The following PRKAG3 variants were observed in gnomAD, a reference collection of about 807,000 sequenced individuals.
PRKAG3 encodes the protein protein kinase AMP-activated non-catalytic subunit gamma 3.
In PRKAG3, 39 loss-of-function variants were observed where a neutral mutation model predicts 56.5. The observed-to-expected ratio is 0.69, with a 90% CI of 0.53 to 0.90. PRKAG3 has a LOEUF of 0.90. Ranked by LOEUF, PRKAG3 falls within the 40% of genes least tolerant of loss-of-function variation. The pLI is 0.00. For synonymous variants in PRKAG3, 243 were observed against 250.1 expected, an observed-to-expected ratio of 0.97 and a Z score of 0.27; for missense variants, 628 against 627.5, an observed-to-expected ratio of 1.00 and a Z score of -0.01.
In PRKAG3 at chr2:218,827,039, T is replaced by C; in HGVS notation, c.1057A>G (p.Ile353Val). The change falls in exon 10 of 13, where the codon ATC becomes GTC. Residue 353 changes from isoleucine to valine, a missense_variant. Physicochemically the swap from Ile to Val is conservative, Grantham distance 29 (BLOSUM62 3). Transcript: ENST00000529249. The surrounding 1 kb of genome is among the most constrained non-coding windows in gnomAD (Gnocchi z 5.3). ...ACAGCCAAGTCTCGGAATGTGCCGA[T>C]GCCCAAATCTTGGATAGTGCGGTAG... The C allele has an allele frequency of 2.5e-6, 4 of 1,614,038 alleles. No homozygotes were observed. The highest frequency in any genetic ancestry group is 3.4e-6 in the Non-Finnish European group (4 of 1,180,046).
chr2:218,824,647 G>C, intron 10 of PRKAG3, 71 bp from the exon 11 acceptor site: 1 of 1,386,206 alleles, frequency 7.2e-7, no homozygotes, highest in Non-Finnish European at 1.0e-6. Flanking sequence ...CCGGGGTGCT[G>C]TGTAGAGGGC....
Position 218,829,625 on chromosome 2 carries a change from C to A in PRKAG3, c.633+353G>T, listed in dbSNP as rs1943988637. On this transcript the variant is annotated intron_variant, in intron 4 of 12. Transcript: ENST00000529249. The stretch of plus-strand genomic sequence containing the variant: ...ACAGACATGAGCCACCGTGCCCGGC[C>A]TCTGCAATGTCTTACACATACTTTG... Among the ~76,000 whole-genome samples, 3 of 152,232 alleles carry A rather than the reference C, an allele frequency of 2.0e-5. No individual in the cohort carries two copies. The Middle Eastern group carries it at 0.01, about 518-fold the overall frequency.
rs778556386 is a variant in PRKAG3, at chr2:218,827,894, G to A, written c.775-16C>T. The stretch of plus-strand genomic sequence containing the variant: ...AGATCTGGACCTAGAGACATCGACA[G>A]GACTCCAGAAGTCAGAAAGACGTGG... On this transcript the variant is annotated splice_polypyrimidine_tract_variant and intron_variant, in intron 6 of 12. Coordinates refer to ENST00000529249, the Ensembl canonical transcript of PRKAG3. This position sits in a 1 kb window ranked among gnomAD's most constrained non-coding sequence, Gnocchi z 5.3. The A allele has an allele frequency of 1.2e-6, 2 of 1,613,980 alleles. No individual in the cohort carries two copies. Among genetic ancestry groups the A allele is most frequent in the Non-Finnish European group, 1.7e-6 (2 of 1,179,954 alleles).
intron 1 of PRKAG3, 73 bp downstream of exon 1, chr2:218,831,665 C>G: frequency 6.4e-7 from 1 of 1,553,754 alleles, no homozygotes; most frequent in Non-Finnish European, 8.8e-7. Flanking sequence ...CGCCCACACA[C>G]ACATTCACAG....
chr2:218,827,550 C>T lies in PRKAG3; in HGVS notation c.875+25G>A, dbSNP rs375658953. On this transcript the variant is annotated intron_variant, in intron 8 of 12. Transcript: ENST00000529249. The surrounding 1 kb of genome is among the most constrained non-coding windows in gnomAD (Gnocchi z 5.3). ...AAGGGGACTGTGGGAGGAGGAGGCTCAGGTGAATGAGCAGAGACACCCACC... is the reference window on the plus strand; with the variant it reads ...AAGGGGACTGTGGGAGGAGGAGGCTTAGGTGAATGAGCAGAGACACCCACC... 6 of 1,611,312 alleles carry T rather than the reference C, an allele frequency of 3.7e-6. No homozygotes were observed. In the East Asian group the frequency reaches 8.9e-5, roughly 24 times the overall value.
chr2:218,829,007 A>G (rs1943979203), intron 4 of PRKAG3, among the ~76,000 whole-genome samples: 1 of 152,184 alleles, frequency 6.6e-6, no homozygotes, highest in African/African-American at 2.4e-5. Flanking sequence ...TTGTAGATAA[A>G]TTTTATATTG....
At chr2:218,828,748 C>A in intron 4 of PRKAG3, 148 bp from the exon 5 acceptor site, 1 of 616,636 alleles carries the variant, frequency 1.6e-6, no homozygotes, top group Non-Finnish European at 2.8e-6. Context: ...GGACCCTCCT[C>A]TACACCAGCT....
exon 13 of PRKAG3, chr2:218,823,765 G>T: frequency 6.2e-7 from 1 of 1,614,002 alleles, no homozygotes; most frequent in Non-Finnish European, 8.5e-7. Context: ...GATCTTCTCA[G>T]GCCCCGAGGG....
rs1272818509 is a variant in PRKAG3, at chr2:218,827,272, C to T, written c.977G>A (p.Arg326His). 16 of 1,614,026 alleles carry T rather than the reference C, an allele frequency of 9.9e-6. No individual in the cohort carries two copies. Among genetic ancestry groups the T allele is most frequent in the Non-Finnish European group, 1.2e-5 (14 of 1,180,034 alleles). Residue 326 changes from arginine (R) to histidine (H), a missense_variant, in exon 9 of 13, where the codon CGC becomes CAC. Transcript: ENST00000529249. This position sits in a 1 kb window ranked among gnomAD's most constrained non-coding sequence, Gnocchi z 5.3. ...AAAGATGTGCAGGAACTTGAGCAGG[C>T]GTTTGTGTGTGAGGATGTGGAGTAC...
At chr2:218,826,034 C>T (rs890528447) in intron 10 of PRKAG3, among the ~76,000 whole-genome samples, 2 of 152,174 alleles carry the variant, frequency 1.3e-5, no homozygotes, top group Non-Finnish European at 2.9e-5. Context: ...GCTGGGATTA[C>T]AGGCATGAGC....
chr2:218,831,369 A>T, exon 2 of PRKAG3: 1 of 1,603,054 alleles, frequency 6.2e-7, no homozygotes. Flanking sequence ...CTGCTCCAGG[A>T]AGGGGTCTGT....
rs193270891 is a variant in PRKAG3 at position 218,826,322 on chromosome 2, T to A, written c.1168+606A>T. On this transcript the variant is annotated intron_variant, in intron 10 of 12. Transcript: ENST00000529249. ...ATCTTAATTATGGTGATTTTAGCTT[T>A]GAAATATTTCATAGCCATCATTCAA... Among the ~76,000 whole-genome samples the A allele has an allele frequency of 1.1e-4, 17 of 152,374 alleles. No individual in the cohort carries two copies. The East Asian group carries it at 3.3e-3, about 29-fold the overall frequency.
At position 218,831,187 on chromosome 2, in the gene PRKAG3, A is replaced by G; in HGVS notation, c.73+149T>C. On this transcript the variant is annotated intron_variant, in intron 2 of 12. Coordinates refer to ENST00000529249, the Ensembl canonical transcript of PRKAG3. Reference sequence around the variant, plus strand: ...AGGAAATTGGAGGTGAGGGAAACACACCTGGGGAAAGGAGGAAGAACAATG... The same window carrying G: ...AGGAAATTGGAGGTGAGGGAAACACGCCTGGGGAAAGGAGGAAGAACAATG... 2.8e-6 allele frequency: 2 copies of G among 718,380 alleles called. 1 individual carries two copies. Among genetic ancestry groups the G allele is most frequent in the South Asian group, 3.9e-5 (2 of 51,744 alleles). The allele number at this position is 718,380 out of a possible 1,614,324, so 44.5% of individuals were successfully genotyped here. A position where few individuals can be genotyped will look rare whatever the true frequency, so the allele number is the denominator to read the frequency against.
At chr2:218,829,843 A>C in intron 4 of PRKAG3, 135 bp downstream of exon 4, 1 of 1,045,720 alleles carries the variant, frequency 9.6e-7, no homozygotes, top group Non-Finnish European at 1.4e-6. Context: ...TGGCCTCCAT[A>C]GTGCTAAGAA....
exon 4 of PRKAG3, chr2:218,830,052 A>C: frequency 6.2e-7 from 1 of 1,614,048 alleles, no homozygotes; most frequent in South Asian, 1.1e-5. Context: ...TCCTGCATGA[A>C]GCGCATGTAG....
chr2:218,824,285 T>G, exon 12 of PRKAG3: 1 of 1,614,102 alleles, frequency 6.2e-7, no homozygotes, highest in Non-Finnish European at 8.5e-7. Flanking sequence ...AGGAAAGGAC[T>G]CCCTCCAGAC....
intron 3 of PRKAG3, 87 bp from the exon 4 acceptor site, chr2:218,830,468 A>C (rs2105989669): frequency 6.7e-7 from 1 of 1,489,208 alleles, no homozygotes; most frequent in African/African-American, 1.4e-5. Flanking sequence ...TCACAGCAGC[A>C]GTGGGAAGCC....
chr2:218,823,741 G>C (rs1474863349), exon 13 of PRKAG3: 3 of 1,613,624 alleles, frequency 1.9e-6, no homozygotes, highest in Admixed American at 3.3e-5. Context: ...AGGTGGCTTG[G>C]GATTGAGGAC....
chr2:218,823,431 T>G, exon 13 of PRKAG3: 2 of 365,044 alleles, frequency 5.5e-6, no homozygotes, highest in East Asian at 6.6e-5. Context: ...AGCCTTAGCT[T>G]TTAGCCGGGG....
Sources: allele counts gnomAD v4.1 joint callset (sites outside exome capture counted in the v4.1 genomes callset), GRCh38; gene constraint gnomAD v4.1.1; non-coding constraint Gnocchi (gnomAD v3.1); transcripts MANE v1.5; gene names NCBI Gene and HGNC (gene_info 2026-07-23, HGNC 2026-07-21).